CPN2: variants seen among roughly 807,000 people sequenced by gnomAD.
The protein encoded by CPN2 is carboxypeptidase N subunit 2, also known as carboxypeptidase N 83 kDa chain.
For missense variants in CPN2, 620 were observed against 671.4 expected (o/e 0.92, Z 0.85); for synonymous variants, 336 against 318.4 (o/e 1.06, Z -0.59).
chr3:194,342,346 G>C lies in CPN2; in HGVS notation c.357C>G (p.Asn119Lys), dbSNP rs1027411923. ...FLNLSTNIFS[N>K]LTSLGKLTLN... ...GGGTGAGCTTGCCCAGCGAGGTCAG[G>C]TTGGAGAAGATGTTGGTGCTGAGGT... The change falls in exon 2 of 2, where the codon AAC becomes AAG. Residue 119 changes from asparagine to lysine, a missense_variant. Asn to Lys is a moderately conservative substitution (Grantham distance 94). Coordinates refer to ENST00000323830, the MANE Select transcript of CPN2 (RefSeq NM_001080513.4). 2 of 1,614,140 alleles carry C rather than the reference G, an allele frequency of 1.2e-6. No homozygotes were observed. Among genetic ancestry groups the C allele is most frequent in the African/African-American group, 2.7e-5 (2 of 75,050 alleles).
intron 1 of CPN2, among the ~76,000 whole-genome samples, chr3:194,346,759 C>T (rs1185869598): frequency 1.3e-5 from 2 of 152,182 alleles, no homozygotes; most frequent in Non-Finnish European, 2.9e-5. Context: ...TGCGTGGCAA[C>T]GTTAGTGACC....
intron 1 of CPN2, among the ~76,000 whole-genome samples, chr3:194,348,913 A>T (rs1560039557): frequency 6.6e-6 from 1 of 152,176 alleles, no homozygotes. Flanking sequence ...AAAAGATAAA[A>T]TTTTAAACAA....
At chr3:194,344,404 C>A (rs1712975550) in intron 1 of CPN2, among the ~76,000 whole-genome samples, 1 of 152,198 alleles carries the variant, frequency 6.6e-6, no homozygotes, top group Non-Finnish European at 1.5e-5. Flanking sequence ...GGATTAGAAT[C>A]TGACTCCTGC....
rs1038278865 is a variant in CPN2, at chr3:194,340,054, A to G, written c.*1011T>C. 3.9e-5 allele frequency: 6 copies of G among 152,230 alleles called. No homozygotes were observed. Among genetic ancestry groups the G allele is most frequent in the African/African-American group, 1.4e-4 (6 of 41,460 alleles). 9.4% of individuals were successfully genotyped at this position (152,230 alleles called of 1,614,324 possible). The stretch of plus-strand genomic sequence containing the variant: ...GAGCTTAGCTGAAGACCTGGGATCA[A>G]TGGAAAGGAATGTTCAGGTTAAGAT... On this transcript the variant is annotated 3_prime_UTR_variant, in exon 2 of 2. Coordinates refer to ENST00000323830, the MANE Select transcript of CPN2 (RefSeq NM_001080513.4).
chr3:194,347,835 C>CCCAGGGAGTGA (rs1156359724), intron 1 of CPN2, among the ~76,000 whole-genome samples: 1 of 23,710 alleles, frequency 4.2e-5, no homozygotes, highest in Non-Finnish European at 8.5e-5. Context: ...CTGCCCAGTT[C>CCCAGGGAGTGA]AGCCCACACC....
intron 1 of CPN2, among the ~76,000 whole-genome samples, chr3:194,349,220 G>T (rs1028368696): frequency 6.6e-6 from 1 of 152,092 alleles, no homozygotes; most frequent in Non-Finnish European, 1.5e-5. Context: ...AATTAGCTGG[G>T]CGTGGTGGTG....
Position 194,350,183 on chromosome 3 carries a change from C to T in CPN2, c.-4+1059G>A, listed in dbSNP as rs538145706. Among the ~76,000 whole-genome samples, 5 of 152,300 alleles carry T rather than the reference C, an allele frequency of 3.3e-5. No individual in the cohort carries two copies. In the South Asian group the frequency reaches 8.3e-4, roughly 25 times the overall value. ...TCTGTTTTCTAGTCAGTTGCACCCA[C>T]CCGACTGAGCCCGTGGTACTGCAGT... On this transcript the variant is annotated intron_variant, in intron 1 of 1. Transcript: ENST00000323830.
rs908475154 is a variant in CPN2, at chr3:194,340,181, G to A, written c.*884C>T. The A allele has an allele frequency of 6.6e-6, 1 of 152,164 alleles. No homozygotes were observed. The highest frequency in any genetic ancestry group is 1.5e-5 in the Non-Finnish European group (1 of 68,038). The allele number at this position is 152,164 out of a possible 1,614,324, so 9.4% of individuals were successfully genotyped here. On this transcript the variant is annotated 3_prime_UTR_variant, in exon 2 of 2. Transcript: ENST00000323830. ...AAACTGTTTCTTATCGACTTAAAAGGGGTGCCTGGCTCTTAGTTGATGATC... is the reference window on the plus strand; with the variant it reads ...AAACTGTTTCTTATCGACTTAAAAGAGGTGCCTGGCTCTTAGTTGATGATC...
rs757478492 is a variant in CPN2, at chr3:194,349,778, C to CTTTTTTTTTTT, written c.-4+1453_-4+1463dup. On this transcript the variant is annotated intron_variant, in intron 1 of 1. Transcript: ENST00000323830. ...ATGAAGCCTTCCTGACTACCCTCTTCTTTTTTTTTTTTTTTTTTTTTTTTT... is the reference window on the plus strand; with the variant it reads ...ATGAAGCCTTCCTGACTACCCTCTTCTTTTTTTTTTTTTTTTTTTTTTTTTTTTTTTTTTTT... Among the ~76,000 whole-genome samples the CTTTTTTTTTTT allele has an allele frequency of 3.8e-4, 25 of 65,604 alleles. 3 individuals are homozygous for CTTTTTTTTTTT. Among genetic ancestry groups the CTTTTTTTTTTT allele is most frequent in the Admixed American group, 6.8e-4 (3 of 4,418 alleles). The allele number at this position is 65,604 out of a possible 152,430, so 43.0% of individuals were successfully genotyped here.
rs1472077361 is a variant in CPN2, at chr3:194,340,290, C to T, written c.*775G>A. Reference sequence around the variant, plus strand: ...TGGATTCTCCTCACAAGAGACTCTGCAGGGCAAGTTCAAGGTAGGGCAAGG... The same window carrying T: ...TGGATTCTCCTCACAAGAGACTCTGTAGGGCAAGTTCAAGGTAGGGCAAGG... On this transcript the variant is annotated 3_prime_UTR_variant, in exon 2 of 2. Transcript: ENST00000323830. 6.6e-6 allele frequency: 1 copy of T among 152,156 alleles called. No individual in the cohort carries two copies. 9.4% of individuals were successfully genotyped at this position (152,156 alleles called of 1,614,324 possible).
intron 1 of CPN2, among the ~76,000 whole-genome samples, chr3:194,345,939 G>A (rs893278175): frequency 5.9e-5 from 9 of 152,244 alleles, no homozygotes; most frequent in African/African-American, 2.2e-4. Flanking sequence ...TAGGATTCAA[G>A]CCTTGAATCA....
rs1233771347 is a variant in CPN2, at chr3:194,342,574, G to A, written c.129C>T (p.Val43=). 6.2e-7 allele frequency: 1 copy of A among 1,614,146 alleles called. No homozygotes were observed. The change falls in exon 2 of 2, where the codon GTC becomes GTT. Residue 43 remains valine (V), a synonymous_variant. Coordinates refer to ENST00000323830, the MANE Select transcript of CPN2 (RefSeq NM_001080513.4). The part of the protein sequence containing the change: ...VFCSDEELAT[V]PLDIPPYTKN... ...TCGTATATGGCGGGATGTCCAGTGG[G>A]ACGGTGGCAAGCTCCTCATCTGAGC...
intron 1 of CPN2, among the ~76,000 whole-genome samples, chr3:194,349,751 C>T (rs1363448127): frequency 6.8e-6 from 1 of 147,186 alleles, no homozygotes; most frequent in African/African-American, 2.5e-5. Context: ...CACACTTCCC[C>T]CATGAAGCCT....
chr3:194,345,183 G>A (rs1254882394), intron 1 of CPN2, among the ~76,000 whole-genome samples: 1 of 152,200 alleles, frequency 6.6e-6, no homozygotes, highest in African/African-American at 2.4e-5. Context: ...AGGTTTTGTT[G>A]AATGGAGCTC....
chr3:194,349,061 A>T (rs923913593), intron 1 of CPN2, among the ~76,000 whole-genome samples: 3 of 152,086 alleles, frequency 2.0e-5, no homozygotes, highest in African/African-American at 7.2e-5. Flanking sequence ...AAGCTTATGT[A>T]CAAAATATTT....
intron 1 of CPN2, among the ~76,000 whole-genome samples, chr3:194,349,960 T>G (rs1012375110): frequency 6.6e-6 from 1 of 151,462 alleles, no homozygotes; most frequent in Non-Finnish European, 1.5e-5. Context: ...TGCCACCACA[T>G]CTGGCTAATT....
chr3:194,340,868 G>T lies in CPN2; in HGVS notation c.*197C>A. The T allele has an allele frequency of 1.2e-6, 1 of 831,852 alleles. No homozygotes were observed. Among genetic ancestry groups the T allele is most frequent in the Non-Finnish European group, 1.8e-6 (1 of 556,788 alleles). The allele number at this position is 831,852 out of a possible 1,614,324, so 51.5% of individuals were successfully genotyped here. ...GGCCTTGTTAGGCCGCACACTCCAG[G>T]AGAAGCGATGAAGGAAGAGGAGGAG... On this transcript the variant is annotated 3_prime_UTR_variant, in exon 2 of 2. Coordinates refer to ENST00000323830, the MANE Select transcript of CPN2 (RefSeq NM_001080513.4).
chr3:194,341,834 C>T lies in CPN2; in HGVS notation c.869G>A (p.Cys290Tyr). 6.2e-7 allele frequency: 1 copy of T among 1,613,930 alleles called. No homozygotes were observed. Among genetic ancestry groups the T allele is most frequent in the East Asian group, 2.2e-5 (1 of 44,876 alleles). ...ATGGGTCAGAGACAGGCCAACCAGGCACGGGGTGTGGGCAAAGAGGCCGGC... is the reference window on the plus strand; with the variant it reads ...ATGGGTCAGAGACAGGCCAACCAGGTACGGGGTGTGGGCAAAGAGGCCGGC... ...LPAGLFAHTP[C>Y]LVGLSLTHNQ... Residue 290 changes from cysteine (C) to tyrosine (Y), a missense_variant, in exon 2 of 2, where the codon TGC (cysteine) becomes TAC (tyrosine). Transcript: ENST00000323830.
In CPN2 at chr3:194,341,043, C is replaced by G; in HGVS notation, c.*22G>C. ...GGTCAGGCCCCAGAGGCCCCCTTCC[C>G]CAGCTCCTGTATGCGCTGCTACTAG... On this transcript the variant is annotated 3_prime_UTR_variant, in exon 2 of 2. Coordinates refer to ENST00000323830, the MANE Select transcript of CPN2 (RefSeq NM_001080513.4). The G allele has an allele frequency of 1.3e-6, 2 of 1,566,616 alleles. No individual in the cohort carries two copies. The highest frequency in any genetic ancestry group is 1.7e-6 in the Non-Finnish European group (2 of 1,153,482).
Sources: allele counts gnomAD v4.1 joint callset (sites outside exome capture counted in the v4.1 genomes callset), GRCh38; gene constraint gnomAD v4.1.1; transcripts MANE v1.5; gene names NCBI Gene and HGNC (gene_info 2026-07-23, HGNC 2026-07-21).